Variants in FHIT observed in about 807,000 individuals in gnomAD.
FHIT encodes the protein fragile histidine triad diadenosine triphosphatase.
Under a neutral mutation model 17.9 loss-of-function variants are expected in FHIT, and 19 were observed. The ratio of observed to expected loss-of-function variants is 1.06; its 90% CI spans 0.74 to 1.56. The LOEUF (loss-of-function observed/expected upper bound fraction) is 1.56, where lower values mean the gene tolerates loss of function less well. Ranked by LOEUF, FHIT falls within the 40% of genes most tolerant of loss-of-function variation. The pLI is 0.00. For synonymous variants in FHIT, 81 were observed against 69.7 expected, an observed-to-expected ratio of 1.16 and a Z score of -0.81; for missense variants, 248 against 189.2, an observed-to-expected ratio of 1.31 and a Z score of -1.82.
chr3:60,040,108 T>C (rs1701374525), intron 5 of FHIT, among the ~76,000 whole-genome samples: 1 of 152,082 alleles, frequency 6.6e-6, no homozygotes, highest in South Asian at 2.1e-4. Context: ...GTCAAAAAAT[T>C]GATGTCACCT....
chr3:59,767,176 C>T (rs1296860636), intron 8 of FHIT, among the ~76,000 whole-genome samples: 2 of 152,094 alleles, frequency 1.3e-5, no homozygotes, highest in Admixed American at 6.5e-5. Context: ...TGCAGATAAA[C>T]CACAAGGAAC....
intron 3 of FHIT, among the ~76,000 whole-genome samples, chr3:60,918,682 A>G (rs1707131523): frequency 6.6e-6 from 1 of 152,210 alleles, no homozygotes; most frequent in South Asian, 2.1e-4. Flanking sequence ...CACATAGATT[A>G]TACCAGTGTT....
intron 4 of FHIT, among the ~76,000 whole-genome samples, chr3:60,802,624 T>C (rs1437931879): frequency 6.6e-6 from 1 of 152,166 alleles, no homozygotes; most frequent in African/African-American, 2.4e-5. Context: ...TTTTGTTTTT[T>C]AATAAAAGCA....
At chr3:60,015,277 G>C (rs1445005091) in intron 5 of FHIT, among the ~76,000 whole-genome samples, 1 of 152,102 alleles carries the variant, frequency 6.6e-6, no homozygotes, top group African/African-American at 2.4e-5. Flanking sequence ...GGTCAGGCCT[G>C]ATTTCCATAA....
chr3:60,029,316 G>A (rs1700883266), intron 5 of FHIT, among the ~76,000 whole-genome samples: 2 of 152,076 alleles, frequency 1.3e-5, no homozygotes, highest in Admixed American at 6.6e-5. Flanking sequence ...TAAGATGAGG[G>A]GTACTTGTAC....
At chr3:60,035,072 A>G (rs1701158423) in intron 5 of FHIT, among the ~76,000 whole-genome samples, 1 of 152,212 alleles carries the variant, frequency 6.6e-6, no homozygotes, top group Non-Finnish European at 1.5e-5. Context: ...CTGAATATAT[A>G]AACCTGAGTC....
chr3:61,148,213 A>T (rs2037283631), intron 2 of FHIT, among the ~76,000 whole-genome samples: 1 of 152,058 alleles, frequency 6.6e-6, no homozygotes, highest in African/African-American at 2.4e-5. Context: ...TTTTCTCTCT[A>T]TGGTATATTT....
intron 5 of FHIT, among the ~76,000 whole-genome samples, chr3:60,455,639 C>T (rs2032041957): frequency 6.6e-6 from 1 of 151,894 alleles, no homozygotes; most frequent in Non-Finnish European, 1.5e-5. Context: ...ATTATGGGAA[C>T]AATATAATAT....
intron 5 of FHIT, among the ~76,000 whole-genome samples, chr3:60,029,157 T>G (rs1007923592): frequency 7.9e-5 from 12 of 152,230 alleles, no homozygotes; most frequent in Non-Finnish European, 1.5e-4. Context: ...TTCTATTTCT[T>G]TATACTCTGA....
chr3:60,958,619 T>C (rs1246915359), intron 3 of FHIT, among the ~76,000 whole-genome samples: 1 of 152,190 alleles, frequency 6.6e-6, no homozygotes, highest in Non-Finnish European at 1.5e-5. Flanking sequence ...TCCAGGTCTT[T>C]GGTGGCCCTT....
chr3:60,353,507 G>A (rs1699511056), intron 5 of FHIT, among the ~76,000 whole-genome samples: 1 of 152,048 alleles, frequency 6.6e-6, no homozygotes, highest in East Asian at 1.9e-4. Context: ...TCCTTCTGCT[G>A]GTGAGTCTAA....
intron 2 of FHIT, among the ~76,000 whole-genome samples, chr3:61,092,812 A>C (rs1394765853): frequency 1.3e-5 from 2 of 152,206 alleles, no homozygotes; most frequent in African/African-American, 4.8e-5. Context: ...TTTAGTGAGA[A>C]AGGATTGACA....
At chr3:60,770,471 C>T (rs2205344) in intron 4 of FHIT, among the ~76,000 whole-genome samples, 58,929 of 151,870 alleles carry the variant, frequency 0.39, 11,766 homozygotes, top group Non-Finnish European at 0.42. Context: ...TGCGGTCTGC[C>T]CTCCTCTTCT....
chr3:60,249,730 G>A (rs1469904048), intron 5 of FHIT, among the ~76,000 whole-genome samples: 1 of 90,118 alleles, frequency 1.1e-5, no homozygotes, highest in African/African-American at 6.3e-5. Context: ...ACGGGAGAAG[G>A]GGGAAGGAAA....
chr3:60,157,598 A>T (rs1482635765), intron 5 of FHIT, among the ~76,000 whole-genome samples: 1 of 152,222 alleles, frequency 6.6e-6, no homozygotes, highest in Non-Finnish European at 1.5e-5. Context: ...GCAGAGTAGA[A>T]GAAGCAAACT....
At chr3:61,246,975 T>C (rs2040502080) in intron 1 of FHIT, among the ~76,000 whole-genome samples, 1 of 152,012 alleles carries the variant, frequency 6.6e-6, no homozygotes, top group African/African-American at 2.4e-5. Context: ...CACACAGACC[T>C]TCTTTCTGCT....
intron 5 of FHIT, among the ~76,000 whole-genome samples, chr3:60,411,317 G>C (rs1702052517): frequency 6.6e-6 from 1 of 152,074 alleles, no homozygotes; most frequent in South Asian, 2.1e-4. Flanking sequence ...AATTAACAAA[G>C]AAAACAGCAT....
At chr3:60,349,364 T>C (rs776690116) in intron 5 of FHIT, among the ~76,000 whole-genome samples, 2 of 152,114 alleles carry the variant, frequency 1.3e-5, no homozygotes, top group African/African-American at 2.4e-5. Flanking sequence ...GACAGACACA[T>C]AGTGCATTAC....
intron 2 of FHIT, among the ~76,000 whole-genome samples, chr3:61,174,267 A>G (rs1211602399): frequency 6.6e-6 from 1 of 152,252 alleles, no homozygotes; most frequent in East Asian, 1.9e-4. Flanking sequence ...TCCATTGCTT[A>G]TGGTCTAAAG....
Sources: gnomAD v4.1 joint callset for allele counts (sites outside exome capture counted in the v4.1 genomes callset) on GRCh38, gnomAD v4.1.1 for gene constraint, MANE v1.5 for transcripts, NCBI Gene and HGNC (gene_info 2026-07-23, HGNC 2026-07-21) for gene names.